The following CDC14A variants were observed in gnomAD, a reference collection of about 807,000 sequenced individuals.
The protein encoded by CDC14A is dual specificity protein phosphatase CDC14A.
In CDC14A, 53 loss-of-function variants were observed where a neutral mutation model predicts 74.4. That is an observed-to-expected ratio of 0.71 (90% CI 0.57 to 0.89). The LOEUF is 0.89. Among genes scored for constraint, CDC14A ranks in the 40% least tolerant of loss-of-function variants. The probability of loss-of-function intolerance (pLI) is 0.00; values close to 1 mark genes in which losing one functional copy is unlikely to be tolerated. For missense variants in CDC14A, 646 were observed against 713.7 expected, an observed-to-expected ratio of 0.91 and a Z score of 1.08; for synonymous variants, 247 against 258.4, an observed-to-expected ratio of 0.96 and a Z score of 0.43.
chr1:100,435,836 A>G (rs1319572631), intron 5 of CDC14A, among the ~76,000 whole-genome samples: 1 of 146,196 alleles, frequency 6.8e-6, no homozygotes, highest in Non-Finnish European at 1.5e-5. Flanking sequence ...AAAAAAAAAA[A>G]AAAAAAAAAA....
At chr1:100,394,800 G>A (rs3928794) in intron 4 of CDC14A, among the ~76,000 whole-genome samples, 1 of 152,196 alleles carries the variant, frequency 6.6e-6, no homozygotes, top group Non-Finnish European at 1.5e-5. Context: ...CTAAAAATTG[G>A]CAGTGGATCC....
intron 9 of CDC14A, among the ~76,000 whole-genome samples, chr1:100,467,085 G>A (rs1667909201): frequency 6.6e-6 from 1 of 150,436 alleles, no homozygotes; most frequent in African/African-American, 2.5e-5. Context: ...GAACAATAAT[G>A]TAAAAAAGGT....
intron 9 of CDC14A, among the ~76,000 whole-genome samples, chr1:100,466,426 A>G (rs1667810723): frequency 6.6e-6 from 1 of 152,198 alleles, no homozygotes. Context: ...CAGAAATCTT[A>G]ATCATAAAGG....
intron 9 of CDC14A, among the ~76,000 whole-genome samples, chr1:100,464,234 C>A (rs1667584438): frequency 6.6e-6 from 1 of 152,218 alleles, no homozygotes; most frequent in African/African-American, 2.4e-5. Flanking sequence ...AGGCTCCCTC[C>A]TCCTGGGTGG....
intron 7 of CDC14A, among the ~76,000 whole-genome samples, chr1:100,453,924 G>A (rs1448711139): frequency 2.6e-5 from 4 of 152,206 alleles, no homozygotes; most frequent in Admixed American, 2.6e-4. Flanking sequence ...TTACAGGCGC[G>A]AGCCGCCACG....
chr1:100,482,403 C>G (rs911912815), intron 10 of CDC14A, among the ~76,000 whole-genome samples: 3 of 152,146 alleles, frequency 2.0e-5, no homozygotes, highest in African/African-American at 7.2e-5. Flanking sequence ...TTTGATATCA[C>G]TATTTTTCCA....
chr1:100,363,440 A>G (rs979753230), intron 2 of CDC14A, among the ~76,000 whole-genome samples: 2 of 152,246 alleles, frequency 1.3e-5, no homozygotes, highest in Admixed American at 6.5e-5. Context: ...TATCAAAAAC[A>G]TCTGGTAAAT....
upstream of CDC14A, among the ~76,000 whole-genome samples, chr1:100,350,384 T>C (rs1361353289): frequency 6.6e-6 from 1 of 152,258 alleles, no homozygotes; most frequent in Non-Finnish European, 1.5e-5. Flanking sequence ...TGAGCCACCA[T>C]GACCAGCCCC....
At chr1:100,474,473 A>G (rs1008115175) in intron 10 of CDC14A, among the ~76,000 whole-genome samples, 2 of 152,150 alleles carry the variant, frequency 1.3e-5, no homozygotes, top group African/African-American at 2.4e-5. Flanking sequence ...TTCTTTTTAA[A>G]ATTATGAATT....
chr1:100,445,239 T>TA (rs1390834118), intron 7 of CDC14A, among the ~76,000 whole-genome samples: 1 of 152,218 alleles, frequency 6.6e-6, no homozygotes, highest in East Asian at 1.9e-4. Context: ...CCCACACATC[T>TA]AGGTGTCTAC....
intron 5 of CDC14A, among the ~76,000 whole-genome samples, chr1:100,432,185 G>C (rs911493565): frequency 1.3e-5 from 2 of 152,174 alleles, no homozygotes; most frequent in African/African-American, 4.8e-5. Context: ...TCATGAATGG[G>C]AGATGGTTTT....
intron 4 of CDC14A, among the ~76,000 whole-genome samples, chr1:100,423,049 G>A (rs961345172): frequency 6.6e-6 from 1 of 152,092 alleles, no homozygotes; most frequent in East Asian, 1.9e-4. Context: ...AATTAAGCTC[G>A]TTTCTGACTA....
rs757003728 is a variant in CDC14A at position 100,484,278 on chromosome 1, T to A, written c.978-14T>A. ...TTTTTCTTGTCGTTTTGTTTTGTTTTGTTTTTTATACAGAAAACAAGCATC... is the reference window on the plus strand; with the variant it reads ...TTTTTCTTGTCGTTTTGTTTTGTTTAGTTTTTTATACAGAAAACAAGCATC... On this transcript the variant is annotated splice_polypyrimidine_tract_variant and intron_variant, in intron 10 of 15. Coordinates refer to ENST00000336454, the MANE Select transcript of CDC14A (RefSeq NM_003672.4). 6.7e-7 allele frequency: 1 copy of A among 1,489,386 alleles called. No individual in the cohort carries two copies. Among genetic ancestry groups the A allele is most frequent in the South Asian group, 1.3e-5 (1 of 76,896 alleles). The allele number at this position is 1,489,386 out of a possible 1,614,324, so 92.3% of individuals were successfully genotyped here. A position where few individuals can be genotyped will look rare whatever the true frequency, so the allele number is the denominator to read the frequency against.
intron 15 of CDC14A, chr1:100,505,042 G>A (rs1649113896): frequency 2.7e-6 from 3 of 1,098,550 alleles, no homozygotes; most frequent in Non-Finnish European, 3.7e-6. Context: ...TGTAAGAATT[G>A]TCTCCAAATT....
Position 100,484,364 on chromosome 1 carries a change from A to G in CDC14A, c.1050A>G (p.Gly350=). ...TGAAAAATCGACCATCCAGTGAAGGAAGTATTAATAAAATTCTTTCTGGCC... is the reference window on the plus strand; with the variant it reads ...TGAAAAATCGACCATCCAGTGAAGGGAGTATTAATAAAATTCTTTCTGGCC... ...SKLKNRPSSE[G]SINKILSGLD... The change falls in exon 11 of 16, where the codon GGA becomes GGG. Residue 350 remains glycine (G), a synonymous_variant. Transcript: ENST00000336454. 14 of 1,606,882 alleles carry G rather than the reference A, an allele frequency of 8.7e-6. No homozygotes were observed. The highest frequency in any genetic ancestry group is 1.2e-5 in the Non-Finnish European group (14 of 1,176,664).
At chr1:100,436,737 T>G (rs1230736577) in intron 5 of CDC14A, among the ~76,000 whole-genome samples, 1 of 152,152 alleles carries the variant, frequency 6.6e-6, no homozygotes, top group Non-Finnish European at 1.5e-5. Context: ...GTTCTCAGTT[T>G]TTTCATTGTC....
chr1:100,471,367 T>A (rs1410993613), intron 10 of CDC14A, among the ~76,000 whole-genome samples: 1 of 152,166 alleles, frequency 6.6e-6, no homozygotes, highest in Non-Finnish European at 1.5e-5. Context: ...CACAATCAGT[T>A]GTAATTCCAT....
At chr1:100,457,957 G>A (rs1329928338) in intron 8 of CDC14A, among the ~76,000 whole-genome samples, 1 of 152,028 alleles carries the variant, frequency 6.6e-6, no homozygotes, top group African/African-American at 2.4e-5. Flanking sequence ...AGAATCACTA[G>A]ATAAAAGGAT....
chr1:100,409,143 C>T (rs1488898950), intron 4 of CDC14A, among the ~76,000 whole-genome samples: 2 of 151,964 alleles, frequency 1.3e-5, no homozygotes, highest in Non-Finnish European at 2.9e-5. Flanking sequence ...TCTCACATGG[C>T]GGCAGATAAG....
Sources: allele counts gnomAD v4.1 joint callset (sites outside exome capture counted in the v4.1 genomes callset), GRCh38; gene constraint gnomAD v4.1.1; transcripts MANE v1.5; gene names NCBI Gene and HGNC (gene_info 2026-07-23, HGNC 2026-07-21).